NCKAP1: variants seen among roughly 807,000 people sequenced by gnomAD.
NCKAP1 encodes the protein nck-associated protein 1.
A neutral mutation model predicts 151.2 loss-of-function variants in NCKAP1; 21 were observed. The ratio of observed to expected loss-of-function variants is 0.14; its 90% CI spans 0.10 to 0.20. NCKAP1 has a LOEUF of 0.20. NCKAP1 is among the 10% of genes least tolerant of loss of function. The pLI, the probability that NCKAP1 is intolerant of heterozygous loss-of-function variation, is 1.00. For synonymous variants in NCKAP1, 484 were observed against 451.8 expected (o/e 1.07, Z -0.90); for missense variants, 933 against 1,352.1 (o/e 0.69, Z 4.86).
At chr2:183,018,566 G>GT (rs1460403656) in intron 2 of NCKAP1, among the ~76,000 whole-genome samples, 1 of 152,128 alleles carries the variant, frequency 6.6e-6, no homozygotes, top group Non-Finnish European at 1.5e-5. Context: ...ACACATTTAT[G>GT]TTTTTAGGAG....
chr2:182,964,042 T>A (rs998301063), intron 17 of NCKAP1, among the ~76,000 whole-genome samples: 1 of 152,136 alleles, frequency 6.6e-6, no homozygotes, highest in East Asian at 1.9e-4. Context: ...TAAGTTAAAT[T>A]ATAATAAAGA....
chr2:183,024,049 T>C, intron 1 of NCKAP1, 133 bp from the exon 2 acceptor site: 1 of 658,056 alleles, frequency 1.5e-6, no homozygotes, highest in South Asian at 1.9e-5. Flanking sequence ...ATAGGCAAAG[T>C]GCAGGGATTG....
rs780394685 is a variant in NCKAP1, at chr2:182,917,574, G to A, written c.*8128C>T. 7.9e-5 allele frequency: 12 copies of A among 152,106 alleles called. No homozygotes were observed. The highest frequency in any genetic ancestry group is 1.6e-4 in the Non-Finnish European group (11 of 68,014). 9.4% of individuals were successfully genotyped at this position (152,106 alleles called of 1,614,324 possible). On this transcript the variant is annotated 3_prime_UTR_variant, in exon 31 of 31. Coordinates refer to ENST00000361354, the MANE Select transcript of NCKAP1 (RefSeq NM_013436.5). ...GAATTAGCTATTATCTTGAAAATAA[G>A]TTCATCTTTCATAAAGGCAGAATTA... is the stretch of plus-strand genomic sequence containing the variant.
Position 182,995,127 on chromosome 2 carries a change from AT to A in NCKAP1, c.742-241del, listed in dbSNP as rs573596792. ...TACCCTCAAACCTCTCTTTAAAAAAATATTGTTGCTAATTATCTTTAATCTG... is the reference window on the plus strand; with the variant it reads ...TACCCTCAAACCTCTCTTTAAAAAAAATTGTTGCTAATTATCTTTAATCTG... On this transcript the variant is annotated intron_variant, in intron 7 of 30. Coordinates refer to ENST00000361354, the MANE Select transcript of NCKAP1 (RefSeq NM_013436.5). Among the ~76,000 whole-genome samples, 28 of 152,326 alleles carry A rather than the reference AT, an allele frequency of 1.8e-4. No homozygotes were observed. In the South Asian group the frequency reaches 5.2e-3, roughly 28 times the overall value.
At chr2:183,013,505 T>C (rs1414423773) in intron 2 of NCKAP1, among the ~76,000 whole-genome samples, 2 of 152,170 alleles carry the variant, frequency 1.3e-5, no homozygotes, top group Non-Finnish European at 2.9e-5. Flanking sequence ...TTCAAAAATA[T>C]ATCCAGAATC....
At chr2:183,000,220 GA>G (rs952652082) in intron 6 of NCKAP1, among the ~76,000 whole-genome samples, 2 of 152,020 alleles carry the variant, frequency 1.3e-5, no homozygotes, top group Non-Finnish European at 2.9e-5. Context: ...CGGAATATTA[GA>G]AAAAAATCAA....
Position 183,033,076 on chromosome 2 carries a change from A to C in NCKAP1, c.108+4916T>G, listed in dbSNP as rs114604286. 8.2e-3 allele frequency among the ~76,000 whole-genome samples: 1,256 copies of C among 152,256 alleles called. 23 individuals are homozygous for C. Among genetic ancestry groups the C allele is most frequent in the African/African-American group, 0.029 (1,206 of 41,556 alleles). ...AAAAAAGAGAAGAAATGCATTTAAC[A>C]CACCTAACCTACCTAACATCATAGT... is the stretch of plus-strand genomic sequence containing the variant. On this transcript the variant is annotated intron_variant, in intron 1 of 30. Coordinates refer to ENST00000361354, the MANE Select transcript of NCKAP1 (RefSeq NM_013436.5).
intron 2 of NCKAP1, among the ~76,000 whole-genome samples, chr2:183,017,906 ACAATGAACTACTCC>A (rs963360716): frequency 2.0e-5 from 3 of 152,220 alleles, no homozygotes; most frequent in African/African-American, 7.2e-5. Context: ...GCTTTAGGAA[ACAATGAACTACTCC>A]TTGAGATTGG....
At chr2:182,976,833 T>C (rs961656603) in intron 15 of NCKAP1, 60 bp downstream of exon 15, 3 of 1,092,730 alleles carry the variant, frequency 2.7e-6, no homozygotes, top group Admixed American at 2.9e-5. Flanking sequence ...ATAGTTGTTA[T>C]AAAATTTTTC....
At chr2:183,014,946 G>C (rs985961605) in intron 2 of NCKAP1, among the ~76,000 whole-genome samples, 5 of 152,192 alleles carry the variant, frequency 3.3e-5, no homozygotes, top group African/African-American at 1.2e-4. Flanking sequence ...CTGTTTGAAA[G>C]CTGAAAAACT....
chr2:182,995,755 T>C lies in NCKAP1; in HGVS notation c.687A>G (p.Leu229=), dbSNP rs760562973. The C allele has an allele frequency of 1.6e-5, 26 of 1,613,800 alleles. No individual in the cohort carries two copies. The highest frequency in any genetic ancestry group is 2.1e-5 in the Non-Finnish European group (25 of 1,179,786). ...TACTAGGTGCACTGATGAGGCTCAA[T>C]AACTGGGCATTTCTCCACTGGTCAG... The part of the protein sequence containing the change: ...LSADQWRNAQ[L]LSLISAPSTM... The change falls in exon 7 of 31, where the codon TTA becomes TTG. Residue 229 remains leucine (L), a synonymous_variant. Transcript: ENST00000361354.
intron 26 of NCKAP1, among the ~76,000 whole-genome samples, chr2:182,934,074 C>G (rs1364292150): frequency 6.6e-6 from 1 of 151,946 alleles, no homozygotes; most frequent in Non-Finnish European, 1.5e-5. Context: ...TAAGAAATGA[C>G]TTAACATCTA....
chr2:183,003,143 A>G, intron 3 of NCKAP1, 90 bp downstream of exon 3: 2 of 1,275,118 alleles, frequency 1.6e-6, no homozygotes, highest in Non-Finnish European at 2.2e-6. Flanking sequence ...TTTCAATTTT[A>G]TTATTTACAA....
At chr2:182,988,974 G>T in intron 9 of NCKAP1, 56 bp downstream of exon 9, 2 of 1,491,152 alleles carry the variant, frequency 1.3e-6, no homozygotes, top group Non-Finnish European at 1.8e-6. Context: ...CTTCAGTAAA[G>T]ATAACTCACT....
intron 13 of NCKAP1, 93 bp downstream of exon 13, chr2:182,981,151 A>G (rs989247256): frequency 1.5e-5 from 22 of 1,438,124 alleles, no homozygotes; most frequent in Non-Finnish European, 2.1e-5. Context: ...TTGGCACATG[A>G]TATTTCATAA....
At chr2:183,020,965 C>A (rs561192866) in intron 2 of NCKAP1, among the ~76,000 whole-genome samples, 1 of 151,996 alleles carries the variant, frequency 6.6e-6, no homozygotes, top group South Asian at 2.1e-4. Context: ...GTAAAAAAAA[C>A]AACAGAGTAG....
intron 7 of NCKAP1, 110 bp downstream of exon 7, chr2:182,995,591 T>A: frequency 9.7e-7 from 1 of 1,030,962 alleles, no homozygotes; most frequent in Non-Finnish European, 1.4e-6. Flanking sequence ...ATAATGAACT[T>A]CAACTAATAA....
chr2:183,027,736 AC>A (rs1369728861), intron 1 of NCKAP1, among the ~76,000 whole-genome samples: 1 of 152,160 alleles, frequency 6.6e-6, no homozygotes, highest in African/African-American at 2.4e-5. Flanking sequence ...CCATACTAAA[AC>A]AGTATAGAAA....
intron 2 of NCKAP1, among the ~76,000 whole-genome samples, chr2:183,018,297 T>C (rs1698733462): frequency 6.6e-6 from 1 of 152,082 alleles, no homozygotes; most frequent in Admixed American, 6.6e-5. Context: ...TTAAATAATT[T>C]GCCCAAAATT....
Sources: gnomAD v4.1 joint callset for allele counts (sites outside exome capture counted in the v4.1 genomes callset) on GRCh38, gnomAD v4.1.1 for gene constraint, MANE v1.5 for transcripts, NCBI Gene and HGNC (gene_info 2026-07-23, HGNC 2026-07-21) for gene names.